AQP1: variants seen among roughly 807,000 people sequenced by gnomAD.
AQP1 encodes aquaporin 1 (Colton blood group), also known as aquaporin-1.
AQP1 carries 11 observed loss-of-function variants against 19.7 expected under a neutral mutation model. The observed-to-expected ratio is 0.56, with a 90% CI of 0.35 to 0.92. The LOEUF is 0.92. Among genes scored for constraint, AQP1 ranks in the 40% least tolerant of loss-of-function variants. The pLI, the probability that AQP1 is intolerant of heterozygous loss-of-function variation, is 0.01. For missense variants in AQP1, 320 were observed against 369.7 expected (o/e 0.87, Z 1.10); for synonymous variants, 159 against 166.7 (o/e 0.95, Z 0.36).
At position 30,912,058 on chromosome 7, in the gene AQP1, T is replaced by A; in HGVS notation, c.149T>A (p.Val50Glu). The part of the protein sequence containing the change: ...GNNQTAVQDN[V>E]KVSLAFGLSI... ...AACCAGACGGCGGTCCAGGACAACG[T>A]GAAGGTGTCGCTGGCCTTCGGGCTG... Residue 50 changes from valine (V) to glutamate (E), a missense_variant, in exon 1 of 4, where the codon GTG becomes GAG. Coordinates refer to ENST00000311813, the MANE Select transcript of AQP1 (RefSeq NM_198098.4). The surrounding 1 kb of genome is among the most constrained non-coding windows in gnomAD (Gnocchi z 4.3). The A allele has an allele frequency of 6.2e-7, 1 of 1,613,438 alleles. No individual in the cohort carries two copies. Among genetic ancestry groups the A allele is most frequent in the Non-Finnish European group, 8.5e-7 (1 of 1,180,024 alleles).
chr7:30,922,363 G>A lies in AQP1; in HGVS notation c.549+133G>A, dbSNP rs1293636822. 4 of 1,402,492 alleles carry A rather than the reference G, an allele frequency of 2.9e-6. No homozygotes were observed. In the East Asian group the frequency reaches 7.3e-5, roughly 25 times the overall value. 86.9% of individuals were successfully genotyped at this position (1,402,492 alleles called of 1,614,324 possible). A position where few individuals can be genotyped will look rare whatever the true frequency, so the allele number is the denominator to read the frequency against. ...GGGTGGAGGATGGCGGGTCAGCGCT[G>A]GGGGCTGGGGGCAGGGTCCTGCCCT... On this transcript the variant is annotated intron_variant, in intron 2 of 3. Transcript: ENST00000311813.
Position 30,922,198 on chromosome 7 carries a change from G to T in AQP1, c.517G>T (p.Gly173Cys), listed in dbSNP as rs766229713. ...DLGGSAPLAI[G>C]LSVALGHLLA... ...TGGTGGCTCAGCCCCCCTTGCCATCGGCCTCTCTGTAGCCCTTGGACACCT... is the reference window on the plus strand; with the variant it reads ...TGGTGGCTCAGCCCCCCTTGCCATCTGCCTCTCTGTAGCCCTTGGACACCT... Residue 173 changes from glycine to cysteine, a missense_variant, in exon 2 of 4, where the codon GGC becomes TGC. Physicochemically the swap from Gly to Cys is radical, Grantham distance 159. Transcript: ENST00000311813. 3.7e-6 allele frequency: 6 copies of T among 1,610,632 alleles called. No homozygotes were observed. The South Asian group carries it at 4.4e-5, about 12-fold the overall frequency.
At chr7:30,921,427 G>A in intron 1 of AQP1, 2 of 1,435,732 alleles carry the variant, frequency 1.4e-6, no homozygotes, top group Non-Finnish European at 1.8e-6. Context: ...AGGGAGGGCA[G>A]GGCCAGAAGC....
At chr7:30,918,160 G>A (rs28362722) in intron 1 of AQP1, among the ~76,000 whole-genome samples, 1,720 of 151,940 alleles carry the variant, frequency 0.011, 27 homozygotes, top group African/African-American at 0.038. Context: ...GGCTAATTTT[G>A]TTTTTGTATT....
intron 1 of AQP1, among the ~76,000 whole-genome samples, chr7:30,915,898 A>C (rs1791336747): frequency 6.6e-6 from 1 of 152,172 alleles, no homozygotes; most frequent in African/African-American, 2.4e-5. Context: ...AAAGGAAGGC[A>C]GAGTTTCCAT....
chr7:30,913,866 A>G (rs1791239361), intron 1 of AQP1, among the ~76,000 whole-genome samples: 1 of 152,086 alleles, frequency 6.6e-6, no homozygotes, highest in Non-Finnish European at 1.5e-5. Context: ...CTCAGTTGCC[A>G]GTGGGTGCAG....
intron 1 of AQP1, among the ~76,000 whole-genome samples, chr7:30,916,693 C>T (rs1200634038): frequency 6.6e-6 from 1 of 152,212 alleles, no homozygotes; most frequent in Non-Finnish European, 1.5e-5. Context: ...AAAATGCCCC[C>T]GGCCCTTCCA....
rs1713397094 is a variant in AQP1 at position 30,912,621 on chromosome 7, G to T, written c.384+328G>T. On this transcript the variant is annotated intron_variant, in intron 1 of 3. Transcript: ENST00000311813. The surrounding 1 kb of genome is among the most constrained non-coding windows in gnomAD (Gnocchi z 4.3). ...GGCTGTAGCTTTTTGGCCCTTCTCA[G>T]TCCTGCCTGTGCCGCCAGCTCCCTC... Among the ~76,000 whole-genome samples, 1 of 152,194 alleles carries T rather than the reference G, an allele frequency of 6.6e-6. No homozygotes were observed. Among genetic ancestry groups the T allele is most frequent in the Non-Finnish European group, 1.5e-5 (1 of 68,034 alleles).
At position 30,912,041 on chromosome 7, in the gene AQP1, G is replaced by T; in HGVS notation, c.132G>T (p.Thr44=). 1 of 1,613,500 alleles carries T rather than the reference G, an allele frequency of 6.2e-7. No homozygotes were observed. The highest frequency in any genetic ancestry group is 8.5e-7 in the Non-Finnish European group (1 of 1,180,036). ...AATACCCGGTGGGGAACAACCAGACGGCGGTCCAGGACAACGTGAAGGTGT... is the reference window on the plus strand; with the variant it reads ...AATACCCGGTGGGGAACAACCAGACTGCGGTCCAGGACAACGTGAAGGTGT... The part of the protein sequence containing the change: ...GFKYPVGNNQ[T]AVQDNVKVSL... Residue 44 remains threonine, a synonymous_variant, in exon 1 of 4, where the codon ACG becomes ACT. Transcript: ENST00000311813. The surrounding 1 kb of genome is among the most constrained non-coding windows in gnomAD (Gnocchi z 4.3).
At chr7:30,914,605 G>A (rs944789770) in intron 1 of AQP1, among the ~76,000 whole-genome samples, 1 of 152,210 alleles carries the variant, frequency 6.6e-6, no homozygotes, top group Non-Finnish European at 1.5e-5. Context: ...CCTGGAACTG[G>A]AGGGGCCTCA....
intron 2 of AQP1, 32 bp downstream of exon 2, chr7:30,922,262 GGGAAGGGAGGGCGGGGGCT>G (rs760939721): frequency 5.3e-5 from 83 of 1,556,346 alleles, no homozygotes; most frequent in Non-Finnish European, 7.0e-5. Context: ...ATGGAGGTGG[GGGAAGGGAGGGCGGGGGCT>G]GGTGGGGTGC....
In AQP1 at chr7:30,912,402, A is replaced by G; in HGVS notation, c.384+109A>G. 1 of 1,496,292 alleles carries G rather than the reference A, an allele frequency of 6.7e-7. No individual in the cohort carries two copies. The highest frequency in any genetic ancestry group is 9.0e-7 in the Non-Finnish European group (1 of 1,113,126). 92.7% of individuals were successfully genotyped at this position (1,496,292 alleles called of 1,614,324 possible). ...GGGGACACTGAGGAACGGAGAGGAC[A>G]AGAGGTTGCTGGAGGTCACGTAGAG... On this transcript the variant is annotated intron_variant, in intron 1 of 3. Coordinates refer to ENST00000311813, the MANE Select transcript of AQP1 (RefSeq NM_198098.4). This position sits in a 1 kb window ranked among gnomAD's most constrained non-coding sequence, Gnocchi z 4.3.
In AQP1 at chr7:30,923,520, G is replaced by A. The variant is rs375226621; in HGVS notation, c.701G>A (p.Arg234His). ...VLIYDFILAP[R>H]SSDLTDRVKV... ...ATCTACGACTTCATCCTGGCCCCAC[G>A]CAGCAGTGACCTCACAGACCGCGTG... The change falls in exon 4 of 4, where the codon CGC becomes CAC. Residue 234 changes from arginine to histidine, a missense_variant. Coordinates refer to ENST00000311813, the MANE Select transcript of AQP1 (RefSeq NM_198098.4). This position sits in a 1 kb window ranked among gnomAD's most constrained non-coding sequence, Gnocchi z 4.8. 12 of 1,614,044 alleles carry A rather than the reference G, an allele frequency of 7.4e-6. No homozygotes were observed. The East Asian group carries it at 8.9e-5, about 12-fold the overall frequency.
At position 30,923,985 on chromosome 7, in the gene AQP1, G is replaced by C. The variant is rs527380218; in HGVS notation, c.*356G>C. ...CAAAGTTGCTCACCGACTCACCTGC[G>C]CAAGTGCCTGGGATTCTACCGTAAT... On this transcript the variant is annotated 3_prime_UTR_variant, in exon 4 of 4. Transcript: ENST00000311813. The surrounding 1 kb of genome is among the most constrained non-coding windows in gnomAD (Gnocchi z 4.8). 2 of 1,380,322 alleles carry C rather than the reference G, an allele frequency of 1.4e-6. No individual in the cohort carries two copies. Among genetic ancestry groups the C allele is most frequent in the Admixed American group, 3.8e-5 (2 of 52,286 alleles). The allele number at this position is 1,380,322 out of a possible 1,614,324, so 85.5% of individuals were successfully genotyped here. A position where few individuals can be genotyped will look rare whatever the true frequency, so the allele number is the denominator to read the frequency against.
chr7:30,913,364 A>T (rs1270255352), intron 1 of AQP1: 2 of 152,544 alleles, frequency 1.3e-5, no homozygotes, highest in African/African-American at 4.8e-5. Flanking sequence ...GAAGGCTTGG[A>T]GGATGTCTCT....
At chr7:30,916,383 G>A (rs1456905065) in intron 1 of AQP1, among the ~76,000 whole-genome samples, 1 of 152,232 alleles carries the variant, frequency 6.6e-6, no homozygotes, top group Non-Finnish European at 1.5e-5. Context: ...ACCCAGCAGG[G>A]GCCATGGCCC....
chr7:30,921,823 G>C, intron 1 of AQP1: 3 of 1,550,212 alleles, frequency 1.9e-6, no homozygotes, highest in Non-Finnish European at 2.6e-6. Context: ...GCAGAGTGGG[G>C]CCTGGGTCTA....
chr7:30,922,135 T>G lies in AQP1; in HGVS notation c.454T>G (p.Cys152Gly). The change falls in exon 2 of 4, where the codon TGC (cysteine) becomes GGC (glycine). Residue 152 changes from cysteine to glycine, a missense_variant. Coordinates refer to ENST00000311813, the MANE Select transcript of AQP1 (RefSeq NM_198098.4). ...CATCGGGACCCTCCAGCTGGTGCTA[T>G]GCGTGCTGGCTACTACCGACCGGAG... is the stretch of plus-strand genomic sequence containing the variant. ...EIIGTLQLVLCVLATTDRRRR... is the reference protein window; with the variant it reads ...EIIGTLQLVLGVLATTDRRRR... 3 of 1,614,020 alleles carry G rather than the reference T, an allele frequency of 1.9e-6. No individual in the cohort carries two copies. Among genetic ancestry groups the G allele is most frequent in the Non-Finnish European group, 8.5e-7 (1 of 1,180,014 alleles).
At position 30,924,902 on chromosome 7, in the gene AQP1, G is replaced by A. The variant is rs1040102758; in HGVS notation, c.*1273G>A. On this transcript the variant is annotated 3_prime_UTR_variant, in exon 4 of 4. Transcript: ENST00000311813. The stretch of plus-strand genomic sequence containing the variant: ...CTTCCCTCTGCATTGACCTGGAGGG[G>A]AGAGGTCAGCCTTGACCTAATGAGG... 2 of 152,190 alleles carry A rather than the reference G, an allele frequency of 1.3e-5. No homozygotes were observed. Among genetic ancestry groups the A allele is most frequent in the Admixed American group, 6.5e-5 (1 of 15,282 alleles). The allele number at this position is 152,190 out of a possible 1,614,324, so 9.4% of individuals were successfully genotyped here. A position where few individuals can be genotyped will look rare whatever the true frequency, so the allele number is the denominator to read the frequency against.
Sources: allele counts gnomAD v4.1 joint callset (sites outside exome capture counted in the v4.1 genomes callset), GRCh38; gene constraint gnomAD v4.1.1; non-coding constraint Gnocchi (gnomAD v3.1); transcripts MANE v1.5; gene names NCBI Gene and HGNC (gene_info 2026-07-23, HGNC 2026-07-21).